The following SLC30A3 variants were observed in gnomAD, a reference collection of about 807,000 sequenced individuals.
The protein encoded by SLC30A3 is probable proton-coupled zinc antiporter SLC30A3.
SLC30A3 carries 20 observed loss-of-function variants against 35.6 expected under a neutral mutation model. The observed-to-expected ratio is 0.56, with a 90% confidence interval of 0.39 to 0.82. The LOEUF (loss-of-function observed/expected upper bound fraction) is 0.82. Among genes scored for constraint, SLC30A3 ranks in the 40% least tolerant of loss-of-function variants. The probability of loss-of-function intolerance (pLI) is 0.00; values close to 1 mark genes in which losing one functional copy is unlikely to be tolerated. For missense variants in SLC30A3, 401 were observed against 530.6 expected, an observed-to-expected ratio of 0.76 and a Z score of 2.40; for synonymous variants, 217 against 224.7, an observed-to-expected ratio of 0.97 and a Z score of 0.31.
intron 1 of SLC30A3, among the ~76,000 whole-genome samples, chr2:27,272,883 C>G (rs910555108): frequency 6.6e-6 from 1 of 151,490 alleles, no homozygotes; most frequent in Admixed American, 6.6e-5. Context: ...GAAACCCTGC[C>G]TCTACCAAAA....
Position 27,257,566 on chromosome 2 carries a change from T to C in SLC30A3, c.579-214A>G, listed in dbSNP as rs1676938686. ...GCTGGCCCTGTTACTTAAATAGATA[T>C]GTGACTTGGGCAAGTCACCTGTTGG... On this transcript the variant is annotated intron_variant, in intron 4 of 7. Transcript: ENST00000233535. This position sits in a 1 kb window ranked among gnomAD's most constrained non-coding sequence, Gnocchi z 4.7. 1.6e-6 allele frequency: 1 copy of C among 612,616 alleles called. No individual in the cohort carries two copies. The highest frequency in any genetic ancestry group is 3.0e-5 in the Admixed American group (1 of 33,674). 37.9% of individuals were successfully genotyped at this position (612,616 alleles called of 1,614,324 possible).
In SLC30A3 at chr2:27,255,331, T is replaced by G. The variant is rs200797694; in HGVS notation, c.1148A>C (p.Gln383Pro). ...QPEMAQCLRC[Q>P]EPPQA ...CATGGCTCAGGCTTGGGGGGGTTCC[T>G]GGCAGCGCAGGCACTGGGCCATCTC... The change falls in exon 8 of 8, where the codon CAG becomes CCG. Residue 383 changes from glutamine to proline, a missense_variant. Around this residue, in one of 3 missense-constraint regions of SLC30A3, gnomAD observed 296 missense variants for 392.6 expected, o/e 0.75. Coordinates refer to ENST00000233535, the MANE Select transcript of SLC30A3 (RefSeq NM_003459.5). This position sits in a 1 kb window ranked among gnomAD's most constrained non-coding sequence, Gnocchi z 5.2. The G allele has an allele frequency of 5.7e-5, 92 of 1,614,130 alleles. No individual in the cohort carries two copies. Among genetic ancestry groups the G allele is most frequent in the Non-Finnish European group, 1.0e-5 (12 of 1,180,034 alleles).
chr2:27,255,609 A>C lies in SLC30A3; in HGVS notation c.1019-149T>G. On this transcript the variant is annotated intron_variant, in intron 7 of 7. Coordinates refer to ENST00000233535, the MANE Select transcript of SLC30A3 (RefSeq NM_003459.5). The surrounding 1 kb of genome is among the most constrained non-coding windows in gnomAD (Gnocchi z 5.2). ...CTTTCTGTATTGTATGAACAGCATA[A>C]AAGTGTCAAATCAAATGTTGGAGAG... is the stretch of plus-strand genomic sequence containing the variant. The C allele has an allele frequency of 1.2e-6, 1 of 818,378 alleles. No homozygotes were observed. The highest frequency in any genetic ancestry group is 1.9e-6 in the Non-Finnish European group (1 of 524,108). The allele number at this position is 818,378 out of a possible 1,614,324, so 50.7% of individuals were successfully genotyped here.
At chr2:27,266,739 A>T (rs1242798573), upstream of SLC30A3, among the ~76,000 whole-genome samples, 1 of 152,122 alleles carries the variant, frequency 6.6e-6, no homozygotes, top group Non-Finnish European at 1.5e-5. Flanking sequence ...CTACTAAAAA[A>T]TACAAAAATT....
Position 27,258,438 on chromosome 2 carries a change from G to T in SLC30A3, c.278-131C>A, listed in dbSNP as rs1158072195. 9.9e-6 allele frequency: 8 copies of T among 806,976 alleles called. No homozygotes were observed. Among genetic ancestry groups the T allele is most frequent in the Admixed American group, 3.3e-5 (1 of 30,624 alleles). The allele number at this position is 806,976 out of a possible 1,614,324, so 50.0% of individuals were successfully genotyped here. On this transcript the variant is annotated intron_variant, in intron 2 of 7. Transcript: ENST00000233535. The surrounding 1 kb of genome is among the most constrained non-coding windows in gnomAD (Gnocchi z 4.0). ...GGTTTTCTCAGGTGATGGGACTACA[G>T]GTATAATTAACTACTGTTATGTTAT...
rs1676993782 is a variant in SLC30A3, at chr2:27,258,384, G to A, written c.278-77C>T. On this transcript the variant is annotated intron_variant, in intron 2 of 7. Transcript: ENST00000233535. The surrounding 1 kb of genome is among the most constrained non-coding windows in gnomAD (Gnocchi z 4.0). ...TGTGTATAGGCATGGAAAATAAATT[G>A]GGGGATATACACCAAAAATGTGATT... 7.2e-7 allele frequency: 1 copy of A among 1,396,598 alleles called. No individual in the cohort carries two copies. Among genetic ancestry groups the A allele is most frequent in the Non-Finnish European group, 9.5e-7 (1 of 1,053,484 alleles). 86.5% of individuals were successfully genotyped at this position (1,396,598 alleles called of 1,614,324 possible).
rs774099170 is a variant in SLC30A3, at chr2:27,257,287, G to A, written c.644C>T (p.Ala215Val). 3 of 1,613,954 alleles carry A rather than the reference G, an allele frequency of 1.9e-6. No individual in the cohort carries two copies. The highest frequency in any genetic ancestry group is 2.5e-6 in the Non-Finnish European group (3 of 1,179,906). The change falls in exon 5 of 8, where the codon GCA (alanine) becomes GTA (valine). Residue 215 changes from alanine (A) to valine (V), a missense_variant. Around this residue, in one of 3 missense-constraint regions of SLC30A3, gnomAD observed 296 missense variants for 392.6 expected, o/e 0.75. Coordinates refer to ENST00000233535, the MANE Select transcript of SLC30A3 (RefSeq NM_003459.5). This position sits in a 1 kb window ranked among gnomAD's most constrained non-coding sequence, Gnocchi z 4.7. ...CTCTTCAGGCCCCTCCTCCAGCGGTGCATACTCTGCTCCCCTAGACCCGTG... is the reference window on the plus strand; with the variant it reads ...CTCTTCAGGCCCCTCCTCCAGCGGTACATACTCTGCTCCCCTAGACCCGTG... ...HSHGSRGAEYAPLEEGPEEPL... is the reference protein window; with the variant it reads ...HSHGSRGAEYVPLEEGPEEPL...
chr2:27,267,767 T>C (rs1677551802), upstream of SLC30A3, among the ~76,000 whole-genome samples: 1 of 151,966 alleles, frequency 6.6e-6, no homozygotes, highest in Non-Finnish European at 1.5e-5. Flanking sequence ...AAACCCCGTC[T>C]CTACTAAAAA....
Position 27,262,048 on chromosome 2 carries a change from G to C in SLC30A3, c.95+764C>G, listed in dbSNP as rs1378680749. ...TCAGCCGACAGACAAGATGGCCCAC[G>C]GGGGTGGGCAGGGAGGTCGGACGGC... is the stretch of plus-strand genomic sequence containing the variant. On this transcript the variant is annotated intron_variant, in intron 1 of 7. Coordinates refer to ENST00000233535, the MANE Select transcript of SLC30A3 (RefSeq NM_003459.5). This position sits in a 1 kb window ranked among gnomAD's most constrained non-coding sequence, Gnocchi z 7.5. 1.3e-5 allele frequency: 2 copies of C among 152,338 alleles called. No individual in the cohort carries two copies. The highest frequency in any genetic ancestry group is 2.9e-5 in the Non-Finnish European group (2 of 68,058). The allele number at this position is 152,338 out of a possible 1,614,324, so 9.4% of individuals were successfully genotyped here. A position where few individuals can be genotyped will look rare whatever the true frequency, so the allele number is the denominator to read the frequency against.
upstream of SLC30A3, chr2:27,263,089 AG>A: frequency 5.2e-6 from 7 of 1,346,492 alleles, no homozygotes; most frequent in Non-Finnish European, 6.6e-6. Flanking sequence ...CTGCCGCCGG[AG>A]CCCCGCCCCG....
chr2:27,268,569 C>T (rs1438829027), intron 1 of SLC30A3, among the ~76,000 whole-genome samples: 2 of 152,068 alleles, frequency 1.3e-5, no homozygotes, highest in Non-Finnish European at 2.9e-5. Context: ...CTGGCTAACA[C>T]AGTGAAACCC....
chr2:27,264,055 A>G (rs769536502), upstream of SLC30A3: 38 of 1,288,472 alleles, frequency 2.9e-5, no homozygotes, highest in African/African-American at 3.7e-4. The surrounding 1 kb of genome is among the most constrained non-coding windows in gnomAD (Gnocchi z 6.1). Flanking sequence ...CAAATGCTCA[A>G]TGTTCTCTCC....
rs1376407019 is a variant in SLC30A3, at chr2:27,255,927, T to C, written c.1018+459A>G. 4.9e-6 allele frequency: 1 copy of C among 203,448 alleles called. No homozygotes were observed. The highest frequency in any genetic ancestry group is 5.2e-5 in the Admixed American group (1 of 19,108). The allele number at this position is 203,448 out of a possible 1,614,324, so 12.6% of individuals were successfully genotyped here. ...GACTCACCATATATATTTTTAATAG[T>C]TGAATCATAATGTAGATGCAATTTT... On this transcript the variant is annotated intron_variant, in intron 7 of 7. Transcript: ENST00000233535. The surrounding 1 kb of genome is among the most constrained non-coding windows in gnomAD (Gnocchi z 5.2).
chr2:27,263,996 AG>A (rs1425080245), upstream of SLC30A3: 3 of 1,276,428 alleles, frequency 2.4e-6, no homozygotes, highest in Non-Finnish European at 3.1e-6. Flanking sequence ...AACCCAGGGG[AG>A]GGAGCGACTT....
chr2:27,273,083 C>T (rs533129489), intron 1 of SLC30A3, among the ~76,000 whole-genome samples: 54 of 141,514 alleles, frequency 3.8e-4, no homozygotes, highest in African/African-American at 1.4e-3. Context: ...GATATAGATA[C>T]ATATACACAG....
chr2:27,260,299 C>G (rs1178004127), intron 1 of SLC30A3, among the ~76,000 whole-genome samples: 1 of 152,156 alleles, frequency 6.6e-6, no homozygotes, highest in Non-Finnish European at 1.5e-5. Flanking sequence ...GTGCAGCCTG[C>G]TATGGCTGAG....
intron 1 of SLC30A3, among the ~76,000 whole-genome samples, chr2:27,269,132 CA>C (rs897433650): frequency 1.4e-5 from 2 of 147,250 alleles, no homozygotes; most frequent in Non-Finnish European, 3.0e-5. Context: ...GAGAAACAAA[CA>C]AAAAAAATAG....
At position 27,258,560 on chromosome 2, in the gene SLC30A3, C is replaced by T. The variant is rs553947274; in HGVS notation, c.277+193G>A. 2.0e-5 allele frequency: 14 copies of T among 686,498 alleles called. No homozygotes were observed. Among genetic ancestry groups the T allele is most frequent in the Admixed American group, 1.9e-4 (6 of 31,530 alleles). 42.5% of individuals were successfully genotyped at this position (686,498 alleles called of 1,614,324 possible). A position where few individuals can be genotyped will look rare whatever the true frequency, so the allele number is the denominator to read the frequency against. On this transcript the variant is annotated intron_variant, in intron 2 of 7. Coordinates refer to ENST00000233535, the MANE Select transcript of SLC30A3 (RefSeq NM_003459.5). The surrounding 1 kb of genome is among the most constrained non-coding windows in gnomAD (Gnocchi z 4.0). ...GAAGTCAGCCCTGACCTACTGGCCC[C>T]GGACCTCGGCTGGAATTCCCTTTGT...
chr2:27,265,842 A>G (rs1381082013), upstream of SLC30A3, among the ~76,000 whole-genome samples: 2 of 151,966 alleles, frequency 1.3e-5, no homozygotes, highest in Admixed American at 6.6e-5. This position sits in a 1 kb window ranked among gnomAD's most constrained non-coding sequence, Gnocchi z 5.9. Flanking sequence ...AAACCCCACT[A>G]ATGGCTGCCA....
Sources: allele counts gnomAD v4.1 joint callset (sites outside exome capture counted in the v4.1 genomes callset), GRCh38; gene constraint gnomAD v4.1.1; regional missense constraint gnomAD v4.1.1; non-coding constraint Gnocchi (gnomAD v3.1); transcripts MANE v1.5; gene names NCBI Gene and HGNC (gene_info 2026-07-23, HGNC 2026-07-21).